Variants in DNAH8 observed in about 807,000 individuals in gnomAD.
DNAH8 encodes axonemal beta dynein heavy chain 8.
DNAH8 carries 382 observed loss-of-function variants against 562.1 expected under a neutral mutation model. That is an observed-to-expected ratio of 0.68 (90% CI 0.63 to 0.74). The LOEUF (loss-of-function observed/expected upper bound fraction) is 0.74. DNAH8 is among the 30% of genes least tolerant of loss of function. The pLI, the probability that DNAH8 is intolerant of heterozygous loss-of-function variation, is 0.00. For missense variants in DNAH8, 5,203 were observed against 5,620.4 expected, an observed-to-expected ratio of 0.93 and a Z score of 2.37; for synonymous variants, 1,881 against 1,919.4, an observed-to-expected ratio of 0.98 and a Z score of 0.52.
Position 38,851,563 on chromosome 6 carries a change from T to C in DNAH8, c.5364-9T>C. On this transcript the variant is annotated splice_polypyrimidine_tract_variant and intron_variant, in intron 38 of 92. Transcript: ENST00000327475. ...CCACTTGGTAACATACTGTCGACTT[T>C]ATTTGAAGGTATTTGGAGAAGAAAC... 1.9e-6 allele frequency: 3 copies of C among 1,568,126 alleles called. No individual in the cohort carries two copies. Among genetic ancestry groups the C allele is most frequent in the Non-Finnish European group, 2.6e-6 (3 of 1,150,966 alleles).
intron 62 of DNAH8, among the ~76,000 whole-genome samples, chr6:38,900,884 T>G (rs1420855762): frequency 6.6e-6 from 1 of 152,202 alleles, no homozygotes; most frequent in African/African-American, 2.4e-5. Context: ...CCCAAAATTA[T>G]AGGCGTGAGC....
chr6:38,917,927 G>A lies in DNAH8; in HGVS notation c.10311G>A (p.Leu3437=). 1 of 1,605,758 alleles carries A rather than the reference G, an allele frequency of 6.2e-7. No homozygotes were observed. Among genetic ancestry groups the A allele is most frequent in the Non-Finnish European group, 8.5e-7 (1 of 1,176,222 alleles). The part of the protein sequence containing the change: ...CKPSWGESLK[L]MSATGFLWSL... Reference sequence around the variant, plus strand: ...CAGGTTATAATACTATTTTTCAGTTGATGAGTGCAACAGGATTCCTGTGGA... The same window carrying A: ...CAGGTTATAATACTATTTTTCAGTTAATGAGTGCAACAGGATTCCTGTGGA... Residue 3437 remains leucine (L), a splice_region_variant and synonymous_variant, in exon 70 of 93, where the codon TTG becomes TTA. Transcript: ENST00000327475.
intron 17 of DNAH8, among the ~76,000 whole-genome samples, chr6:38,786,257 C>T (rs1047758224): frequency 3.5e-4 from 54 of 152,166 alleles, no homozygotes; most frequent in Non-Finnish European, 7.1e-4. Context: ...TTTCACAACT[C>T]AATGGTATTT....
chr6:38,974,741 T>C (rs1177672849), intron 85 of DNAH8, among the ~76,000 whole-genome samples: 1 of 152,206 alleles, frequency 6.6e-6, no homozygotes, highest in Non-Finnish European at 1.5e-5. Context: ...ACTATTGGAA[T>C]GTAAGATTCT....
Position 38,723,163 on chromosome 6 carries a change from C to A in DNAH8, c.354C>A (p.Gly118=). The A allele has an allele frequency of 6.2e-7, 1 of 1,612,370 alleles. No individual in the cohort carries two copies. Among genetic ancestry groups the A allele is most frequent in the Non-Finnish European group, 8.5e-7 (1 of 1,179,852 alleles). ...CCAGATACCGCCGGAGTATGAGTGG[C>A]CTTCCCAATCTACAGGAAACATTAA... ...RSSRYRRSMS[G]LPNLQETLKE... Residue 118 remains glycine, a synonymous_variant, in exon 2 of 93, where the codon GGC becomes GGA. Coordinates refer to ENST00000327475, the MANE Select transcript of DNAH8 (RefSeq NM_001206927.2).
intron 28 of DNAH8, among the ~76,000 whole-genome samples, chr6:38,824,439 CACATATGAGA>C (rs1459051397): frequency 1.3e-5 from 2 of 152,094 alleles, no homozygotes; most frequent in Non-Finnish European, 2.9e-5. Flanking sequence ...TAGGGTTGTA[CACATATGAGA>C]ACTGATGTTG....
At chr6:38,754,131 C>G (rs1765708922) in intron 9 of DNAH8, among the ~76,000 whole-genome samples, 1 of 152,000 alleles carries the variant, frequency 6.6e-6, no homozygotes, top group Non-Finnish European at 1.5e-5. Context: ...TTAGGCATAT[C>G]TTACTATTAT....
At chr6:38,716,330 C>G (rs776783077) in intron 1 of DNAH8, among the ~76,000 whole-genome samples, 1 of 151,878 alleles carries the variant, frequency 6.6e-6, no homozygotes, top group South Asian at 2.1e-4. Flanking sequence ...GCTTATTTCC[C>G]GTTCCTCTAC....
At chr6:38,727,277 A>T (rs1284554576) in intron 3 of DNAH8, among the ~76,000 whole-genome samples, 1 of 152,202 alleles carries the variant, frequency 6.6e-6, no homozygotes, top group Non-Finnish European at 1.5e-5. Context: ...TTGCCTCTGG[A>T]TCCATTCTCC....
chr6:38,857,364 G>A (rs148258743), intron 41 of DNAH8, among the ~76,000 whole-genome samples, 154 bp from the exon 42 acceptor site: 1,968 of 152,108 alleles, frequency 0.013, 41 homozygotes, highest in African/African-American at 0.044. Flanking sequence ...AAATATTAAC[G>A]GTTAAAACTT....
intron 82 of DNAH8, among the ~76,000 whole-genome samples, chr6:38,958,771 A>G (rs1431979045): frequency 6.6e-6 from 1 of 152,116 alleles, no homozygotes. Context: ...AGTGGCTAGG[A>G]ATTTTTTCAG....
In DNAH8 at chr6:38,783,028, C is replaced by A; in HGVS notation, c.2284C>A (p.Pro762Thr). 1 of 1,613,806 alleles carries A rather than the reference C, an allele frequency of 6.2e-7. No homozygotes were observed. The highest frequency in any genetic ancestry group is 1.1e-5 in the South Asian group (1 of 91,042). Residue 762 changes from proline to threonine, a missense_variant, in exon 17 of 93, where the codon CCG becomes ACG. This residue lies in a region of DNAH8 where 2,176 missense variants were observed against 2,365.1 expected (regional missense o/e 0.92). Coordinates refer to ENST00000327475, the MANE Select transcript of DNAH8 (RefSeq NM_001206927.2). ...GAAAAACTCAGACATTTTATCAAGT[C>A]CGGACGGTAAAGCTGTCATCCGTCA... is the stretch of plus-strand genomic sequence containing the variant. ...FFKNSDILSSPDGKAVIRQYN... is the reference protein window; with the variant it reads ...FFKNSDILSSTDGKAVIRQYN...
chr6:38,741,975 C>A, intron 8 of DNAH8, 88 bp downstream of exon 8: 1 of 1,103,068 alleles, frequency 9.1e-7, no homozygotes. Context: ...GTATAATATA[C>A]TGGAATCGTG....
chr6:38,839,809 T>C (rs1017890902), intron 33 of DNAH8, among the ~76,000 whole-genome samples: 10 of 152,090 alleles, frequency 6.6e-5, no homozygotes, highest in Non-Finnish European at 1.3e-4. Context: ...ATTATAGGCA[T>C]GTGCCACCAT....
chr6:38,782,926 C>A (rs1463256821), intron 16 of DNAH8, 78 bp from the exon 17 acceptor site: 13 of 1,288,968 alleles, frequency 1.0e-5, no homozygotes, highest in South Asian at 1.4e-5. Flanking sequence ...TATCATTTTA[C>A]ATATAAGTAC....
chr6:38,743,817 G>A (rs1290041349), intron 8 of DNAH8, among the ~76,000 whole-genome samples: 1 of 152,000 alleles, frequency 6.6e-6, no homozygotes, highest in Non-Finnish European at 1.5e-5. Context: ...TATGCATAAC[G>A]CTGCTATGAA....
chr6:38,799,370 A>T (rs1770577455), intron 21 of DNAH8, among the ~76,000 whole-genome samples: 1 of 151,296 alleles, frequency 6.6e-6, no homozygotes, highest in African/African-American at 2.4e-5. Flanking sequence ...TTTCTCCTGT[A>T]TCCTCAGCGT....
intron 62 of DNAH8, among the ~76,000 whole-genome samples, chr6:38,905,185 C>T (rs1780361519): frequency 1.3e-5 from 2 of 152,208 alleles, no homozygotes; most frequent in Admixed American, 1.3e-4. Context: ...ACCCCATGGC[C>T]TACTGCCCAT....
At chr6:38,867,110 C>T (rs2150419586) in intron 47 of DNAH8, among the ~76,000 whole-genome samples, 2 of 152,220 alleles carry the variant, frequency 1.3e-5, no homozygotes, top group Middle Eastern at 3.4e-3. Context: ...TACCCTTCAC[C>T]CTGCCTTGCC....
Sources: gnomAD v4.1 joint callset for allele counts (sites outside exome capture counted in the v4.1 genomes callset) on GRCh38, gnomAD v4.1.1 for gene constraint, gnomAD v4.1.1 regional missense constraint, MANE v1.5 for transcripts, NCBI Gene and HGNC (gene_info 2026-07-23, HGNC 2026-07-21) for gene names.